CACNA2D3: variants seen among roughly 807,000 people sequenced by gnomAD.
The protein encoded by CACNA2D3 is voltage-dependent calcium channel subunit alpha-2/delta-3.
A neutral mutation model predicts 160.6 loss-of-function variants in CACNA2D3; 60 were observed. That is an observed-to-expected ratio of 0.37 (90% CI 0.30 to 0.46). The LOEUF (loss-of-function observed/expected upper bound fraction) is 0.46. Ranked by LOEUF, CACNA2D3 falls within the 20% of genes least tolerant of loss-of-function variation. The pLI is 1.00. For synonymous variants in CACNA2D3, 558 were observed against 492.9 expected, an observed-to-expected ratio of 1.13 and a Z score of -1.75; for missense variants, 1,205 against 1,365.0, an observed-to-expected ratio of 0.88 and a Z score of 1.85.
intron 14 of CACNA2D3, among the ~76,000 whole-genome samples, chr3:54,823,392 T>C (rs1158575724): frequency 2.0e-5 from 3 of 152,186 alleles, no homozygotes; most frequent in African/African-American, 7.2e-5. Context: ...TTAAAAGTTT[T>C]TTTTTAGCTT....
intron 11 of CACNA2D3, among the ~76,000 whole-genome samples, chr3:54,712,176 T>C (rs1559555923): frequency 6.6e-6 from 1 of 152,210 alleles, no homozygotes. Context: ...AAAGCCTACC[T>C]GTATTCATTT....
intron 27 of CACNA2D3, among the ~76,000 whole-genome samples, chr3:54,910,224 G>T (rs371087099): frequency 2.0e-5 from 3 of 152,112 alleles, no homozygotes; most frequent in African/African-American, 7.2e-5. Flanking sequence ...TGAAAACATC[G>T]TGTATGGTCA....
intron 29 of CACNA2D3, among the ~76,000 whole-genome samples, chr3:54,975,069 A>T (rs143919652): frequency 6.6e-6 from 1 of 152,116 alleles, no homozygotes. Context: ...CAGCACTCTG[A>T]CCCCCTAACT....
chr3:54,314,266 A>G (rs1161153640), intron 2 of CACNA2D3, among the ~76,000 whole-genome samples: 1 of 152,212 alleles, frequency 6.6e-6, no homozygotes, highest in East Asian at 1.9e-4. Flanking sequence ...ATAATATTCC[A>G]TCATATATCT....
At chr3:54,580,028 T>C (rs1398477539) in intron 8 of CACNA2D3, among the ~76,000 whole-genome samples, 1 of 152,000 alleles carries the variant, frequency 6.6e-6, no homozygotes, top group African/African-American at 2.4e-5. Flanking sequence ...TTGGGGGCAT[T>C]GAGGACCTGT....
At chr3:54,918,671 T>C in intron 27 of CACNA2D3, 39 of 1,614,174 alleles carry the variant, frequency 2.4e-5, no homozygotes, top group Non-Finnish European at 3.2e-5. Flanking sequence ...GGCCTTGGCT[T>C]GGGTTTGAGC....
At chr3:54,962,052 C>T (rs1166173082) in intron 27 of CACNA2D3, among the ~76,000 whole-genome samples, 1 of 105,900 alleles carries the variant, frequency 9.4e-6, no homozygotes, top group East Asian at 3.6e-4. Flanking sequence ...CTCATGATAA[C>T]TCATTAATCC....
intron 4 of CACNA2D3, among the ~76,000 whole-genome samples, chr3:54,491,486 C>T (rs2106921423): frequency 6.6e-6 from 1 of 152,298 alleles, no homozygotes; most frequent in Admixed American, 6.5e-5. Context: ...AAGAATCCTG[C>T]TGCTTGGACC....
chr3:54,287,481 A>T (rs1458725769), intron 2 of CACNA2D3, among the ~76,000 whole-genome samples: 2 of 150,770 alleles, frequency 1.3e-5, no homozygotes, highest in Non-Finnish European at 2.9e-5. Context: ...ATAATGGGAG[A>T]CTTTAACACC....
chr3:54,691,418 T>C (rs1022622153), intron 11 of CACNA2D3, among the ~76,000 whole-genome samples: 1 of 152,056 alleles, frequency 6.6e-6, no homozygotes, highest in Non-Finnish European at 1.5e-5. Flanking sequence ...CAAAGGAACA[T>C]ATTGTGGTGA....
chr3:54,955,688 A>C (rs1335486593), intron 27 of CACNA2D3, among the ~76,000 whole-genome samples: 1 of 152,076 alleles, frequency 6.6e-6, no homozygotes, highest in African/African-American at 2.4e-5. Context: ...GGACACTGAG[A>C]TCAGACAGCC....
intron 2 of CACNA2D3, among the ~76,000 whole-genome samples, chr3:54,235,208 A>G (rs1701850759): frequency 6.6e-6 from 1 of 152,194 alleles, no homozygotes; most frequent in Non-Finnish European, 1.5e-5. Context: ...TGTGTGCTAG[A>G]GGGACAGAGG....
At chr3:54,392,805 GGAGA>G (rs1699303997) in intron 4 of CACNA2D3, among the ~76,000 whole-genome samples, 1 of 152,156 alleles carries the variant, frequency 6.6e-6, no homozygotes. Context: ...ACCCAGGAAA[GGAGA>G]GAAAGGGCAG....
At chr3:54,262,425 C>T (rs543454872) in intron 2 of CACNA2D3, among the ~76,000 whole-genome samples, 4 of 152,048 alleles carry the variant, frequency 2.6e-5, no homozygotes, top group African/African-American at 7.2e-5. Flanking sequence ...AGCTAAAGGT[C>T]GAAGGCAGGC....
At chr3:54,738,125 T>A (rs1701570546) in intron 11 of CACNA2D3, among the ~76,000 whole-genome samples, 1 of 152,208 alleles carries the variant, frequency 6.6e-6, no homozygotes, top group South Asian at 2.1e-4. Context: ...GAATGGTATT[T>A]TAGCAAGAAG....
chr3:54,692,854 AGTG>A (rs1462922378), intron 11 of CACNA2D3, among the ~76,000 whole-genome samples: 1 of 152,212 alleles, frequency 6.6e-6, no homozygotes, highest in Non-Finnish European at 1.5e-5. Flanking sequence ...TCAACTCAAA[AGTG>A]GTAATCTATC....
chr3:54,492,268 C>T (rs1701122233), intron 4 of CACNA2D3, among the ~76,000 whole-genome samples: 1 of 152,160 alleles, frequency 6.6e-6, no homozygotes, highest in Admixed American at 6.5e-5. Flanking sequence ...GCAGAACTGT[C>T]AAGGTATAAC....
intron 4 of CACNA2D3, among the ~76,000 whole-genome samples, chr3:54,452,480 A>G (rs931536465): frequency 4.6e-5 from 7 of 152,216 alleles, no homozygotes; most frequent in African/African-American, 1.7e-4. Flanking sequence ...CTCTTTCTAC[A>G]GTTTTCTTTC....
At chr3:54,717,884 T>TGTGC (rs1437168019) in intron 11 of CACNA2D3, among the ~76,000 whole-genome samples, 2 of 151,358 alleles carry the variant, frequency 1.3e-5, no homozygotes, top group East Asian at 1.9e-4. Context: ...GGTGGGTGTG[T>TGTGC]GTGCGTGTGT....
Sources: gnomAD v4.1 joint callset for allele counts (sites outside exome capture counted in the v4.1 genomes callset) on GRCh38, gnomAD v4.1.1 for gene constraint, MANE v1.5 for transcripts, NCBI Gene and HGNC (gene_info 2026-07-23, HGNC 2026-07-21) for gene names.